Variants in CDCP2 observed in about 807,000 individuals in gnomAD.
The protein encoded by CDCP2 is CUB domain containing protein 2.
A neutral mutation model predicts 31.0 loss-of-function variants in CDCP2; 31 were observed. The observed-to-expected ratio is 1.00, with a 90% CI of 0.75 to 1.35. The LOEUF (loss-of-function observed/expected upper bound fraction) is 1.35. Ranked by LOEUF, CDCP2 falls within the 40% of genes most tolerant of loss-of-function variation. The pLI is 0.00. For synonymous variants in CDCP2, 206 were observed against 207.9 expected, an observed-to-expected ratio of 0.99 and a Z score of 0.08; for missense variants, 443 against 482.6, an observed-to-expected ratio of 0.92 and a Z score of 0.77.
chr1:54,136,125 T>G (rs890779817), intron 5 of CDCP2, among the ~76,000 whole-genome samples: 1 of 152,194 alleles, frequency 6.6e-6, no homozygotes, highest in Non-Finnish European at 1.5e-5. Context: ...AAGGGCCTTT[T>G]GTGCTGTGGA....
At chr1:54,134,207 C>A (rs1000265132) in intron 5 of CDCP2, among the ~76,000 whole-genome samples, 1 of 152,266 alleles carries the variant, frequency 6.6e-6, no homozygotes, top group Non-Finnish European at 1.5e-5. Flanking sequence ...CCTGCCTCCA[C>A]CTTAGGAGCT....
intron 5 of CDCP2, among the ~76,000 whole-genome samples, chr1:54,134,313 A>G (rs1253853246): frequency 6.6e-6 from 1 of 152,210 alleles, no homozygotes; most frequent in East Asian, 1.9e-4. Flanking sequence ...CACCCCAGGG[A>G]CAGCAGCCTA....
exon 3 of CDCP2, chr1:54,141,307 A>T: frequency 6.2e-7 from 1 of 1,614,252 alleles, no homozygotes; most frequent in Non-Finnish European, 8.5e-7. Context: ...CACGAACACC[A>T]GCTTGACGTG....
rs1659449566 is a variant in CDCP2 at position 54,145,360 on chromosome 1, A to G, written c.80-547T>C. On this transcript the variant is annotated intron_variant, in intron 1 of 5. Coordinates refer to ENST00000530059, the Ensembl canonical transcript of CDCP2. ...AGAATCGCTTGCACCCGGGAGGCGG[A>G]GGTTGCAGTGAGCCAAGATCATGCC... 2.0e-5 allele frequency among the ~76,000 whole-genome samples: 3 copies of G among 152,172 alleles called. No homozygotes were observed. In the South Asian group the frequency reaches 6.2e-4, roughly 32 times the overall value.
In CDCP2 at chr1:54,141,593, C is replaced by T. The variant is rs530274252; in HGVS notation, c.428-160G>A. ...TGCTACCCAAGTAGCAAGTGTAGCA[C>T]GTGCTCAGGCCCAGCATTTGGCACC... On this transcript the variant is annotated intron_variant, in intron 2 of 5. Coordinates refer to ENST00000530059, the Ensembl canonical transcript of CDCP2. 69 of 628,002 alleles carry T rather than the reference C, an allele frequency of 1.1e-4. No individual in the cohort carries two copies. The South Asian group carries it at 1.2e-3, about 11-fold the overall frequency. The allele number at this position is 628,002 out of a possible 1,614,324, so 38.9% of individuals were successfully genotyped here.
chr1:54,140,024 G>A, exon 4 of CDCP2: 1 of 1,613,982 alleles, frequency 6.2e-7, no homozygotes, highest in Admixed American at 1.7e-5. Flanking sequence ...TCCAGTGGCA[G>A]CGGATGTTGT....
chr1:54,150,609 AT>A, intron 1 of CDCP2, among the ~76,000 whole-genome samples: 1 of 151,692 alleles, frequency 6.6e-6, no homozygotes, highest in African/African-American at 2.4e-5. Context: ...AAAAAAAAAA[AT>A]TCTTATTATT....
chr1:54,144,210 C>T (rs1659420837), intron 2 of CDCP2: 1 of 410,090 alleles, frequency 2.4e-6, no homozygotes, highest in Non-Finnish European at 4.4e-6. Context: ...GAGGAGGCTG[C>T]TTTTGCCTTA....
chr1:54,138,110 A>T (rs944773289), intron 4 of CDCP2: 23 of 152,320 alleles, frequency 1.5e-4, no homozygotes, highest in Non-Finnish European at 4.4e-5. Context: ...CTGGGATAAG[A>T]ACCCCCGCTA....
intron 4 of CDCP2, chr1:54,137,693 G>GTGTGTGTGTGTGTGTGTGTGCA (rs1553173554): frequency 1.1e-4 from 2 of 18,796 alleles, no homozygotes; most frequent in African/African-American, 2.2e-4. Context: ...GCGTGTGTGT[G>GTGTGTGTGTGTGTGTGTGTGCA]TGTGTGTGTG....
In CDCP2 at chr1:54,140,169, C is replaced by T. The variant is rs1659340273; in HGVS notation, c.764-63G>A. 2.6e-6 allele frequency: 4 copies of T among 1,514,218 alleles called. 1 individual carries two copies. Among genetic ancestry groups the T allele is most frequent in the South Asian group, 1.1e-5 (1 of 88,156 alleles). 93.8% of individuals were successfully genotyped at this position (1,514,218 alleles called of 1,614,324 possible). On this transcript the variant is annotated intron_variant, in intron 3 of 5. Transcript: ENST00000530059. ...AGGGGAGAGGAGAAGTCACTCTCTG[C>T]AGTTACAGCTTAGGCAGCAGGTGCC...
intron 4 of CDCP2, 54 bp from the exon 5 acceptor site, chr1:54,136,862 A>G (rs1557705122): frequency 2.0e-5 from 8 of 398,788 alleles, no homozygotes; most frequent in Middle Eastern, 6.2e-4. Context: ...TCTGACCCTC[A>G]CCTCCCCAAC....
intron 1 of CDCP2, among the ~76,000 whole-genome samples, chr1:54,145,914 CTG>C (rs1420084816): frequency 1.3e-5 from 2 of 152,068 alleles, no homozygotes; most frequent in African/African-American, 4.8e-5. Context: ...AACAAATAAA[CTG>C]AATCTTACCA....
intron 5 of CDCP2, among the ~76,000 whole-genome samples, chr1:54,135,021 G>T (rs1486099129): frequency 6.6e-6 from 1 of 152,160 alleles, no homozygotes; most frequent in Non-Finnish European, 1.5e-5. Context: ...AAAAGGCCAT[G>T]TCCCCAGAGG....
intron 1 of CDCP2, among the ~76,000 whole-genome samples, chr1:54,148,710 G>A (rs1659518133): frequency 6.6e-6 from 1 of 151,220 alleles, no homozygotes; most frequent in Non-Finnish European, 1.5e-5. Flanking sequence ...AAAAGATAAA[G>A]GGGGGAAGGA....
At chr1:54,147,920 G>T (rs1191195435) in intron 1 of CDCP2, among the ~76,000 whole-genome samples, 1 of 151,498 alleles carries the variant, frequency 6.6e-6, no homozygotes, top group South Asian at 2.1e-4. Context: ...GCTGAGGCAG[G>T]AGGATTACTT....
In CDCP2 at chr1:54,135,300, T is replaced by C. The variant is rs1319865711; in HGVS notation, c.1296+1330A>G. Among the ~76,000 whole-genome samples the C allele has an allele frequency of 2.6e-5, 4 of 152,196 alleles. No individual in the cohort carries two copies. In the East Asian group the frequency reaches 5.8e-4, roughly 22 times the overall value. ...GAGGGAGTCAAGTCTCTAATGTTTT[T>C]AAAGAGTTGCACGTAAAGATTGGCA... On this transcript the variant is annotated intron_variant, in intron 5 of 5. Coordinates refer to ENST00000530059, the Ensembl canonical transcript of CDCP2.
intron 2 of CDCP2, 121 bp from the exon 3 acceptor site, chr1:54,141,554 A>T (rs1659376586): frequency 1.2e-6 from 1 of 828,056 alleles, no homozygotes; most frequent in Admixed American, 3.0e-5. Flanking sequence ...CCTCATTACC[A>T]TCCAGCAAGC....
At chr1:54,134,370 C>G (rs1253539552) in intron 5 of CDCP2, among the ~76,000 whole-genome samples, 2 of 152,264 alleles carry the variant, frequency 1.3e-5, no homozygotes, top group African/African-American at 4.8e-5. Context: ...GCCTGGCACC[C>G]TGCTGCCCTC....
Sources: gnomAD v4.1 joint callset for allele counts (sites outside exome capture counted in the v4.1 genomes callset) on GRCh38, gnomAD v4.1.1 for gene constraint, MANE v1.5 for transcripts, NCBI Gene and HGNC (gene_info 2026-07-23, HGNC 2026-07-21) for gene names.